Variants in PABPC4L observed in about 807,000 individuals in gnomAD.
The protein encoded by PABPC4L is poly(A) binding protein cytoplasmic 4 like, also known as polyadenylate-binding protein 4-like.
For synonymous variants in PABPC4L, 169 were observed against 164.1 expected (o/e 1.03, Z -0.23); for missense variants, 452 against 451.4 (o/e 1.00, Z -0.01).
chr4:134,111,691 T>C, the PABPC4L span, among the ~76,000 whole-genome samples: 6 of 151,872 alleles, frequency 4.0e-5, no homozygotes, highest in Non-Finnish European at 7.4e-5. Context: ...ATAAGTCTCA[T>C]GAGATCCGAT....
At chr4:133,982,885 T>G in the PABPC4L span, among the ~76,000 whole-genome samples, 1 of 152,056 alleles carries the variant, frequency 6.6e-6, no homozygotes, top group Admixed American at 6.6e-5. Context: ...CTAATTATTT[T>G]GTCATACTAT....
the PABPC4L span, among the ~76,000 whole-genome samples, chr4:134,189,410 A>G: frequency 1.3e-5 from 2 of 152,114 alleles, no homozygotes; most frequent in Non-Finnish European, 2.9e-5. Flanking sequence ...GTACACACAC[A>G]TACACACATA....
the PABPC4L span, among the ~76,000 whole-genome samples, chr4:134,157,203 AT>A: frequency 6.7e-6 from 1 of 150,034 alleles, no homozygotes; most frequent in South Asian, 2.1e-4. Flanking sequence ...ATGTGGAAGA[AT>A]TTTTTGTTTT....
At chr4:134,121,709 A>G in the PABPC4L span, among the ~76,000 whole-genome samples, 31,716 of 151,584 alleles carry the variant, frequency 0.21, 4,112 homozygotes, top group Non-Finnish European at 0.27. Context: ...TTCAACTTCC[A>G]GCTCCTGCAC....
At chr4:134,043,493 T>G in the PABPC4L span, among the ~76,000 whole-genome samples, 1 of 152,104 alleles carries the variant, frequency 6.6e-6, no homozygotes, top group Non-Finnish European at 1.5e-5. Context: ...GTAATTGCGG[T>G]TTTTGCCATT....
chr4:134,004,339 T>G, the PABPC4L span, among the ~76,000 whole-genome samples: 1 of 151,836 alleles, frequency 6.6e-6, no homozygotes, highest in African/African-American at 2.4e-5. Context: ...AGGACCTGAA[T>G]AGACATTTCC....
chr4:134,147,695 CCT>C, the PABPC4L span, among the ~76,000 whole-genome samples: 5 of 151,310 alleles, frequency 3.3e-5, no homozygotes, highest in African/African-American at 1.2e-4. Flanking sequence ...GGAATTACCC[CCT>C]CTTTTGGTAG....
the PABPC4L span, among the ~76,000 whole-genome samples, chr4:134,068,678 A>T: frequency 6.7e-6 from 1 of 150,130 alleles, no homozygotes; most frequent in Admixed American, 6.6e-5. Flanking sequence ...ATATTTCTAT[A>T]TTTAGCACTC....
At chr4:134,142,975 G>A in the PABPC4L span, among the ~76,000 whole-genome samples, 2 of 151,444 alleles carry the variant, frequency 1.3e-5, no homozygotes, top group Non-Finnish European at 1.5e-5. Flanking sequence ...TCTAGTCAGT[G>A]GCTCTCTCTT....
the PABPC4L span, among the ~76,000 whole-genome samples, chr4:134,190,732 A>G: frequency 6.6e-6 from 1 of 152,028 alleles, no homozygotes; most frequent in Non-Finnish European, 1.5e-5. Context: ...GCTCACTGCA[A>G]CCTTTGCCTT....
the PABPC4L span, among the ~76,000 whole-genome samples, chr4:134,144,008 A>G: frequency 6.6e-6 from 1 of 151,614 alleles, no homozygotes; most frequent in Non-Finnish European, 1.5e-5. Flanking sequence ...TATTTTGAAA[A>G]GATCATATGC....
At chr4:134,074,961 C>G in the PABPC4L span, among the ~76,000 whole-genome samples, 1 of 152,104 alleles carries the variant, frequency 6.6e-6, no homozygotes, top group African/African-American at 2.4e-5. Context: ...CACAACCAAG[C>G]TATATCAGCT....
At chr4:134,175,628 T>C in the PABPC4L span, among the ~76,000 whole-genome samples, 18 of 152,070 alleles carry the variant, frequency 1.2e-4, no homozygotes, top group African/African-American at 4.3e-4. Context: ...TTTGTATTTT[T>C]AGTAGAGATG....
chr4:134,024,923 ATTTTTTTTTTT>A, the PABPC4L span, among the ~76,000 whole-genome samples: 2 of 128,466 alleles, frequency 1.6e-5, no homozygotes, highest in Non-Finnish European at 1.6e-5. Flanking sequence ...TAATTATGTA[ATTTTTTTTTTT>A]TTTTTTTTTT....
the PABPC4L span, among the ~76,000 whole-genome samples, chr4:134,009,559 A>G: frequency 1.3e-5 from 2 of 151,980 alleles, no homozygotes; most frequent in African/African-American, 4.8e-5. Flanking sequence ...ACTGTTCTGC[A>G]ATTTCTAGCC....
the PABPC4L span, among the ~76,000 whole-genome samples, chr4:133,952,323 G>A: frequency 8.3e-4 from 126 of 152,150 alleles, no homozygotes; most frequent in African/African-American, 2.9e-3. Flanking sequence ...TCTAGGGGAC[G>A]CCCAGAATGC....
chr4:134,020,076 C>T, the PABPC4L span, among the ~76,000 whole-genome samples: 9 of 152,172 alleles, frequency 5.9e-5, no homozygotes, highest in South Asian at 1.0e-3. Flanking sequence ...CTAGGTATTA[C>T]AACAACTACT....
the PABPC4L span, among the ~76,000 whole-genome samples, chr4:134,185,045 G>A: frequency 6.6e-6 from 1 of 152,000 alleles, no homozygotes; most frequent in East Asian, 1.9e-4. Flanking sequence ...AGTTTTAATA[G>A]TTCTTTCTAT....
the PABPC4L span, among the ~76,000 whole-genome samples, chr4:134,093,582 T>TTC: frequency 1.3e-5 from 2 of 150,606 alleles, no homozygotes; most frequent in Non-Finnish European, 3.0e-5. Flanking sequence ...TTTTTTTTTT[T>TTC]TCTTTTTGAG....
Sources: gnomAD v4.1 joint callset for allele counts (sites outside exome capture counted in the v4.1 genomes callset) on GRCh38, gnomAD v4.1.1 for gene constraint, MANE v1.5 for transcripts, NCBI Gene and HGNC (gene_info 2026-07-23, HGNC 2026-07-21) for gene names.